The following LRMDA variants were observed in gnomAD, a reference collection of about 807,000 sequenced individuals.
LRMDA encodes the protein leucine rich melanocyte differentiation associated.
LRMDA carries 18 observed loss-of-function variants against 29.8 expected under a neutral mutation model. The ratio of observed to expected loss-of-function variants is 0.60; its 90% CI spans 0.42 to 0.90. The LOEUF (loss-of-function observed/expected upper bound fraction) is 0.90. Ranked by LOEUF, LRMDA falls within the 40% of genes least tolerant of loss-of-function variation. The probability of loss-of-function intolerance (pLI) is 0.00; values close to 1 mark genes in which losing one functional copy is unlikely to be tolerated. For synonymous variants in LRMDA, 125 were observed against 109.4 expected (o/e 1.14, Z -0.89); for missense variants, 273 against 273.9 (o/e 1.00, Z 0.02).
At chr10:75,434,652 T>G (rs1844244939) in intron 1 of LRMDA, among the ~76,000 whole-genome samples, 1 of 152,206 alleles carries the variant, frequency 6.6e-6, no homozygotes, top group Admixed American at 6.5e-5. Context: ...AGTAGCGCAA[T>G]CATAGCTCAC....
At chr10:75,878,143 T>G (rs915602742) in intron 2 of LRMDA, among the ~76,000 whole-genome samples, 1 of 152,164 alleles carries the variant, frequency 6.6e-6, no homozygotes, top group African/African-American at 2.4e-5. Flanking sequence ...TGTCTGCAGG[T>G]GGCTTGTGTT....
intron 6 of LRMDA, among the ~76,000 whole-genome samples, chr10:76,533,205 T>G (rs1843254321): frequency 6.6e-6 from 1 of 152,168 alleles, no homozygotes; most frequent in African/African-American, 2.4e-5. Context: ...GTGTAACTAT[T>G]AGTTTCAAAT....
In LRMDA at chr10:75,802,646, G is replaced by T. The variant is rs140167504; in HGVS notation, c.132-233362G>T. On this transcript the variant is annotated intron_variant, in intron 2 of 6. Transcript: ENST00000611255. ...TTTTCTTAGCAATAGCTTCAAGAAC[G>T]AAGAAGATTAAACAAACACTATCGA... Among the ~76,000 whole-genome samples, 789 of 151,962 alleles carry T rather than the reference G, an allele frequency of 5.2e-3. 10 individuals carry two copies. Among genetic ancestry groups the T allele is most frequent in the African/African-American group, 0.018 (758 of 41,450 alleles).
chr10:75,820,769 A>G (rs1231422242), intron 2 of LRMDA, among the ~76,000 whole-genome samples: 1 of 152,174 alleles, frequency 6.6e-6, no homozygotes, highest in African/African-American at 2.4e-5. Context: ...ATAGACCACT[A>G]ACTAAATTAG....
Position 76,506,511 on chromosome 10 carries a change from C to T in LRMDA, c.602-50698C>T, listed in dbSNP as rs574915320. Among the ~76,000 whole-genome samples, 150 of 152,144 alleles carry T rather than the reference C, an allele frequency of 9.9e-4. No individual in the cohort carries two copies. In the South Asian group the frequency reaches 0.01, roughly 10 times the overall value. On this transcript the variant is annotated intron_variant, in intron 6 of 6. Coordinates refer to ENST00000611255, the MANE Select transcript of LRMDA (RefSeq NM_001305581.2). Reference sequence around the variant, plus strand: ...GATCTCCCCTTATTTTCTTTTCATACATTTTTTCACCAAAATTTGACTTGT... The same window carrying T: ...GATCTCCCCTTATTTTCTTTTCATATATTTTTTCACCAAAATTTGACTTGT...
chr10:76,356,618 C>T (rs958238314), intron 6 of LRMDA, among the ~76,000 whole-genome samples: 2 of 152,134 alleles, frequency 1.3e-5, no homozygotes, highest in African/African-American at 2.4e-5. Context: ...TGGAAAGCTT[C>T]GTCTTGGCCT....
intron 2 of LRMDA, among the ~76,000 whole-genome samples, chr10:75,722,452 C>T (rs181048249): frequency 6.6e-6 from 1 of 152,186 alleles, no homozygotes; most frequent in Admixed American, 6.5e-5. Context: ...AATCATAGTT[C>T]TATGTTTATT....
chr10:76,503,872 G>A (rs1046754699), intron 6 of LRMDA, among the ~76,000 whole-genome samples: 2 of 149,088 alleles, frequency 1.3e-5, no homozygotes, highest in African/African-American at 4.9e-5. Context: ...TGTTATCTTT[G>A]GGGTTGGTTC....
chr10:75,807,116 T>C (rs751570859), intron 2 of LRMDA, among the ~76,000 whole-genome samples: 18 of 152,152 alleles, frequency 1.2e-4, no homozygotes, highest in Non-Finnish European at 2.2e-4. Context: ...CACCTCTCAA[T>C]TCATTGTGAC....
chr10:75,466,895 A>T (rs7914595), intron 2 of LRMDA, among the ~76,000 whole-genome samples: 1 of 151,942 alleles, frequency 6.6e-6, no homozygotes, highest in African/African-American at 2.4e-5. Context: ...AGAAAAAATT[A>T]AAAAAAACCA....
intron 6 of LRMDA, among the ~76,000 whole-genome samples, chr10:76,550,508 A>T (rs900830716): frequency 2.4e-5 from 3 of 124,044 alleles, no homozygotes; most frequent in Admixed American, 9.6e-5. Context: ...CCATGGTGCA[A>T]GAGCCCTAAC....
intron 2 of LRMDA, among the ~76,000 whole-genome samples, chr10:75,847,264 T>A (rs1844654756): frequency 6.6e-6 from 1 of 152,170 alleles, no homozygotes; most frequent in South Asian, 2.1e-4. Flanking sequence ...TAAAGGACAG[T>A]CTCTTCAACA....
At chr10:75,655,977 T>C (rs1216351403) in intron 2 of LRMDA, among the ~76,000 whole-genome samples, 2 of 152,168 alleles carry the variant, frequency 1.3e-5, no homozygotes, top group African/African-American at 4.8e-5. Context: ...ATGTGACCCA[T>C]CTGTTTGCAC....
In LRMDA at chr10:76,287,903, A is replaced by G. The variant is rs79044411; in HGVS notation, c.517-36498A>G. Among the ~76,000 whole-genome samples, 887 of 152,302 alleles carry G rather than the reference A, an allele frequency of 5.8e-3. 6 individuals carry two copies. Among genetic ancestry groups the G allele is most frequent in the Non-Finnish European group, 9.3e-3 (633 of 68,018 alleles). On this transcript the variant is annotated intron_variant, in intron 5 of 6. Coordinates refer to ENST00000611255, the MANE Select transcript of LRMDA (RefSeq NM_001305581.2). The stretch of plus-strand genomic sequence containing the variant: ...CTACGTGGTTTGGGATTCATTTTGC[A>G]TTAGAGAAATGACAAAGACCCAGAA...
chr10:75,847,025 C>A (rs1241635118), intron 2 of LRMDA, among the ~76,000 whole-genome samples: 1 of 152,092 alleles, frequency 6.6e-6, no homozygotes, highest in African/African-American at 2.4e-5. Context: ...CATGTGGAAT[C>A]TCAAGGAACC....
At chr10:75,621,699 CA>C (rs1244604275) in intron 2 of LRMDA, among the ~76,000 whole-genome samples, 1 of 152,124 alleles carries the variant, frequency 6.6e-6, no homozygotes, top group Non-Finnish European at 1.5e-5. Context: ...GCAGTTCATC[CA>C]GACAATTCTT....
intron 5 of LRMDA, among the ~76,000 whole-genome samples, chr10:76,103,389 A>G (rs2132104937): frequency 6.6e-6 from 1 of 152,304 alleles, no homozygotes; most frequent in South Asian, 2.1e-4. Context: ...TTTCCTCATC[A>G]TGCAGAGTGG....
intron 2 of LRMDA, among the ~76,000 whole-genome samples, chr10:75,475,500 G>A (rs891506773): frequency 6.6e-5 from 10 of 152,182 alleles, no homozygotes; most frequent in African/African-American, 2.4e-4. Flanking sequence ...GGATCACTGA[G>A]TCCTGCTCAT....
At chr10:76,018,464 G>T (rs1019262901) in intron 2 of LRMDA, among the ~76,000 whole-genome samples, 1 of 152,092 alleles carries the variant, frequency 6.6e-6, no homozygotes, top group Non-Finnish European at 1.5e-5. Flanking sequence ...TCGGGAAAAT[G>T]CACAGACATG....
Sources: gnomAD v4.1 joint callset for allele counts (sites outside exome capture counted in the v4.1 genomes callset) on GRCh38, gnomAD v4.1.1 for gene constraint, MANE v1.5 for transcripts, NCBI Gene and HGNC (gene_info 2026-07-23, HGNC 2026-07-21) for gene names.